Variants in DNHD1 observed in about 807,000 individuals in gnomAD.
The protein encoded by DNHD1 is dynein heavy chain domain 1.
A neutral mutation model predicts 458.1 loss-of-function variants in DNHD1; 383 were observed. The observed-to-expected ratio is 0.84, with a 90% CI of 0.77 to 0.91. The LOEUF (loss-of-function observed/expected upper bound fraction) is 0.91. Ranked by LOEUF, DNHD1 falls within the 40% of genes least tolerant of loss-of-function variation. The probability of loss-of-function intolerance (pLI) is 0.00; values close to 1 mark genes in which losing one functional copy is unlikely to be tolerated. For missense variants in DNHD1, 5,336 were observed against 5,866.1 expected, an observed-to-expected ratio of 0.91 and a Z score of 2.95; for synonymous variants, 2,203 against 2,376.9, an observed-to-expected ratio of 0.93 and a Z score of 2.13.
intron 10 of DNHD1, among the ~76,000 whole-genome samples, chr11:6,525,664 GTTC>G (rs1477703196): frequency 6.6e-6 from 1 of 152,172 alleles, no homozygotes; most frequent in Non-Finnish European, 1.5e-5. Context: ...AAATTCTGAA[GTTC>G]TTCTATGTTG....
Position 6,498,908 on chromosome 11 carries a change from A to G in DNHD1, c.693A>G (p.Glu231=), listed in dbSNP as rs1852086115. Residue 231 remains glutamate, a synonymous_variant, in exon 3 of 43, where the codon GAA becomes GAG. Transcript: ENST00000254579. ...ALAADIPVRY[E]SSDTDNAEVE... ...CAGCGGACATCCCTGTACGGTATGAAAGCAGTGACACTGACAATGCAGAGG... is the reference window on the plus strand; with the variant it reads ...CAGCGGACATCCCTGTACGGTATGAGAGCAGTGACACTGACAATGCAGAGG... 2 of 1,613,510 alleles carry G rather than the reference A, an allele frequency of 1.2e-6. No homozygotes were observed. The highest frequency in any genetic ancestry group is 1.7e-6 in the Non-Finnish European group (2 of 1,179,780).
chr11:6,571,706 C>G lies in DNHD1; in HGVS notation c.13982C>G (p.Ala4661Gly). The G allele has an allele frequency of 6.2e-7, 1 of 1,611,936 alleles. No homozygotes were observed. Among genetic ancestry groups the G allele is most frequent in the Non-Finnish European group, 8.5e-7 (1 of 1,179,030 alleles). The change falls in exon 43 of 43, where the codon GCG becomes GGG. Residue 4661 changes from alanine to glycine, a missense_variant. This residue lies in a region of DNHD1 where 698 missense variants were observed against 664.9 expected (regional missense o/e 1.05). Coordinates refer to ENST00000254579, the MANE Select transcript of DNHD1 (RefSeq NM_144666.3). This position sits in a 1 kb window ranked among gnomAD's most constrained non-coding sequence, Gnocchi z 5.0. ...LLLIGLQVLH[A>G]EWDPIAGALQ... Reference sequence around the variant, plus strand: ...CTGATCGGGCTACAGGTCCTACATGCGGAGTGGGACCCAATAGCTGGAGCC... The same window carrying G: ...CTGATCGGGCTACAGGTCCTACATGGGGAGTGGGACCCAATAGCTGGAGCC...
rs1391315434 is a variant in DNHD1 at position 6,552,369 on chromosome 11, C to CA, written c.7387+3441dup. 2.0e-5 allele frequency among the ~76,000 whole-genome samples: 3 copies of CA among 151,872 alleles called. No homozygotes were observed. The East Asian group carries it at 5.8e-4, about 29-fold the overall frequency. Reference sequence around the variant, plus strand: ...TGAAACCCCATCTCTACTAAAAATACAAAAATTAGCTGGGTGTGGTGGGGG... The same window carrying CA: ...TGAAACCCCATCTCTACTAAAAATACAAAAAATTAGCTGGGTGTGGTGGGGG... On this transcript the variant is annotated intron_variant, in intron 24 of 42. Coordinates refer to ENST00000254579, the MANE Select transcript of DNHD1 (RefSeq NM_144666.3).
chr11:6,529,803 C>G (rs1453863572), intron 12 of DNHD1, among the ~76,000 whole-genome samples: 1 of 152,124 alleles, frequency 6.6e-6, no homozygotes, highest in African/African-American at 2.4e-5. Context: ...GTGTCCTGGG[C>G]TGGTAGAGCT....
intron 10 of DNHD1, among the ~76,000 whole-genome samples, chr11:6,522,963 G>T (rs983000908): frequency 6.6e-6 from 1 of 152,198 alleles, no homozygotes; most frequent in Non-Finnish European, 1.5e-5. Flanking sequence ...AAACAAGAGA[G>T]TATTACTGTT....
intron 4 of DNHD1, chr11:6,508,596 T>C (rs1457039135): frequency 2.7e-6 from 1 of 376,754 alleles, no homozygotes; most frequent in East Asian, 5.0e-5. Flanking sequence ...GACAGTGTCT[T>C]AGATCTGATG....
rs1853744243 is a variant in DNHD1 at position 6,567,876 on chromosome 11, C to G, written c.12351+16C>G. On this transcript the variant is annotated intron_variant, in intron 36 of 42. Transcript: ENST00000254579. ...GTATCAGCAGGTTTGAACCTAGTTT[C>G]TTGGCCACAGAGTGACCAGGCTCCT... 1 of 1,599,904 alleles carries G rather than the reference C, an allele frequency of 6.3e-7. No individual in the cohort carries two copies. Among genetic ancestry groups the G allele is most frequent in the South Asian group, 1.1e-5 (1 of 89,182 alleles).
chr11:6,566,070 G>C, intron 33 of DNHD1, 79 bp downstream of exon 33: 1 of 1,437,822 alleles, frequency 7.0e-7, no homozygotes, highest in Non-Finnish European at 9.3e-7. Context: ...CCACACCTCA[G>C]TCTAACTTCA....
At chr11:6,501,700 C>G (rs934128017) in intron 3 of DNHD1, among the ~76,000 whole-genome samples, 1 of 152,020 alleles carries the variant, frequency 6.6e-6, no homozygotes, top group Non-Finnish European at 1.5e-5. Context: ...TGTCTGAGGA[C>G]TTGTGTGAAG....
At chr11:6,537,619 C>G in intron 14 of DNHD1, among the ~76,000 whole-genome samples, 1 of 151,970 alleles carries the variant, frequency 6.6e-6, no homozygotes, top group Admixed American at 6.6e-5. Context: ...AACCAGATAG[C>G]CTGCATAGGC....
chr11:6,524,879 A>G (rs1356529457), intron 10 of DNHD1, among the ~76,000 whole-genome samples: 1 of 152,206 alleles, frequency 6.6e-6, no homozygotes, highest in Non-Finnish European at 1.5e-5. Context: ...ACAAAATAAA[A>G]CAAAACAAAA....
chr11:6,537,469 A>G lies in DNHD1; in HGVS notation c.2999-914A>G, dbSNP rs76295855. On this transcript the variant is annotated intron_variant, in intron 14 of 42. Transcript: ENST00000254579. ...CTTTTCTTAATGGACCCAAACTTCTAGTTGGGAGAGAAAGACAATAAACAA... is the reference window on the plus strand; with the variant it reads ...CTTTTCTTAATGGACCCAAACTTCTGGTTGGGAGAGAAAGACAATAAACAA... Among the ~76,000 whole-genome samples the G allele has an allele frequency of 9.3e-3, 1,420 of 152,184 alleles. 21 individuals carry two copies. The highest frequency in any genetic ancestry group is 0.032 in the African/African-American group (1,342 of 41,500).
chr11:6,557,382 G>C lies in DNHD1; in HGVS notation c.8087G>C (p.Ser2696Thr), dbSNP rs868444977. The C allele has an allele frequency of 3.2e-6, 5 of 1,551,362 alleles. No individual in the cohort carries two copies. Among genetic ancestry groups the C allele is most frequent in the Non-Finnish European group, 4.4e-6 (5 of 1,147,106 alleles). ...CACCTGGGCAAGGACCATCAGGAGA[G>C]TGAGGAGGAGGAGGAGGAGGAGAGG... is the stretch of plus-strand genomic sequence containing the variant. ...PQHLGKDHQE[S>T]EEEEEEERVP... is the part of the protein sequence containing the mutation. Residue 2696 changes from serine (S) to threonine (T), a missense_variant, in exon 25 of 43, where the codon AGT becomes ACT. Coordinates refer to ENST00000254579, the MANE Select transcript of DNHD1 (RefSeq NM_144666.3).
rs1464819369 is a variant in DNHD1 at position 6,533,864 on chromosome 11, C to T, written c.2689C>T (p.His897Tyr). The part of the protein sequence containing the change: ...IPPCPPPPQP[H>Y]LLHCPLLAPQ... ...TCCCTGCCCTCCTCCCCCACAACCA[C>T]ATCTACTCCACTGCCCTCTGCTTGC... The change falls in exon 14 of 43, where the codon CAT becomes TAT. Residue 897 changes from histidine to tyrosine, a missense_variant. Coordinates refer to ENST00000254579, the MANE Select transcript of DNHD1 (RefSeq NM_144666.3). 2 of 1,551,146 alleles carry T rather than the reference C, an allele frequency of 1.3e-6. No individual in the cohort carries two copies. The highest frequency in any genetic ancestry group is 1.2e-5 in the South Asian group (1 of 84,006).
chr11:6,570,088 C>A lies in DNHD1; in HGVS notation c.12943C>A (p.Gln4315Lys). The A allele has an allele frequency of 6.2e-7, 1 of 1,613,926 alleles. No homozygotes were observed. The highest frequency in any genetic ancestry group is 8.5e-7 in the Non-Finnish European group (1 of 1,179,868). ...ASLSNPRAAM[Q>K]ELAASVFYGG... The stretch of plus-strand genomic sequence containing the variant: ...TCTTAGCAATCCCCGTGCTGCCATG[C>A]AAGAGCTGGCTGGTGAGACCCTTCC... The change falls in exon 40 of 43, where the codon CAA (glutamine) becomes AAA (lysine). Residue 4315 changes from glutamine (Q) to lysine (K), a missense_variant. By Grantham distance (53) the Gln-to-Lys change is moderately conservative. This residue lies in a region of DNHD1 where 698 missense variants were observed against 664.9 expected (regional missense o/e 1.05). Transcript: ENST00000254579.
Position 6,566,975 on chromosome 11 carries a change from C to A in DNHD1, c.11466C>A (p.Ala3822=), listed in dbSNP as rs1263760674. 8 of 1,613,932 alleles carry A rather than the reference C, an allele frequency of 5.0e-6. No individual in the cohort carries two copies. Among genetic ancestry groups the A allele is most frequent in the Non-Finnish European group, 6.8e-6 (8 of 1,179,858 alleles). ...AGTTTCTGCGGAACATAGTGAGGGC[C>A]CAAGGAAAGCTATGCCAGCTGCGTG... The part of the protein sequence containing the change: ...PAKFLRNIVR[A]QGKLCQLRAH... Residue 3822 remains alanine (A), a synonymous_variant, in exon 36 of 43, where the codon GCC becomes GCA. Transcript: ENST00000254579.
intron 12 of DNHD1, among the ~76,000 whole-genome samples, 194 bp from the exon 13 acceptor site, chr11:6,532,833 C>T (rs1415275701): frequency 6.6e-6 from 1 of 152,134 alleles, no homozygotes; most frequent in African/African-American, 2.4e-5. Context: ...CATTTGCTCT[C>T]GTCTACCAGT....
At chr11:6,520,804 T>G (rs1345677565) in intron 10 of DNHD1, 1 of 991,136 alleles carries the variant, frequency 1.0e-6, no homozygotes, top group Non-Finnish European at 1.2e-6. Flanking sequence ...AAACACATCT[T>G]CACATTTCCC....
Position 6,557,168 on chromosome 11 carries a change from C to T in DNHD1, c.7873C>T (p.Arg2625Trp), listed in dbSNP as rs1350846579. The T allele has an allele frequency of 6.4e-6, 10 of 1,551,574 alleles. No homozygotes were observed. Among genetic ancestry groups the T allele is most frequent in the Admixed American group, 2.0e-5 (1 of 50,988 alleles). ...TCCCAACCACCAGGAGCACTTGCGCCGGGTGTCAGGCCTGCGAGGCACTTG... is the reference window on the plus strand; with the variant it reads ...TCCCAACCACCAGGAGCACTTGCGCTGGGTGTCAGGCCTGCGAGGCACTTG... ...DYPNHQEHLR[R>W]VSGLRGTCLT... The change falls in exon 25 of 43, where the codon CGG becomes TGG. Residue 2625 changes from arginine to tryptophan, a missense_variant. Physicochemically the swap from Arg to Trp is moderately radical, Grantham distance 101. This residue lies in a region of DNHD1 where 3,932 missense variants were observed against 4,365.6 expected (regional missense o/e 0.90). Coordinates refer to ENST00000254579, the MANE Select transcript of DNHD1 (RefSeq NM_144666.3).
Sources: gnomAD v4.1 joint callset for allele counts (sites outside exome capture counted in the v4.1 genomes callset) on GRCh38, gnomAD v4.1.1 for gene constraint, gnomAD v4.1.1 regional missense constraint, Gnocchi (gnomAD v3.1) non-coding constraint, MANE v1.5 for transcripts, NCBI Gene and HGNC (gene_info 2026-07-23, HGNC 2026-07-21) for gene names.